The following AGBL1 variants were observed in gnomAD, a reference collection of about 807,000 sequenced individuals.
AGBL1 encodes the protein AGBL carboxypeptidase 1, also known as cytosolic carboxypeptidase 4.
AGBL1 carries 130 observed loss-of-function variants against 118.9 expected under a neutral mutation model. That is an observed-to-expected ratio of 1.09 (90% CI 0.95 to 1.26). The LOEUF is 1.26. Ranked by LOEUF, AGBL1 falls within the 50% of genes most tolerant of loss-of-function variation. The probability of loss-of-function intolerance (pLI) is 0.00; values close to 1 mark genes in which losing one functional copy is unlikely to be tolerated. For synonymous variants in AGBL1, 555 were observed against 478.9 expected, an observed-to-expected ratio of 1.16 and a Z score of -2.08; for missense variants, 1,584 against 1,298.1, an observed-to-expected ratio of 1.22 and a Z score of -3.38.
chr15:86,859,662 C>A (rs757858949), intron 22 of AGBL1, among the ~76,000 whole-genome samples: 50 of 152,148 alleles, frequency 3.3e-4, no homozygotes, highest in Non-Finnish European at 6.2e-4. Context: ...AGAGGCTTGA[C>A]CAGCTGCAGC....
Position 86,737,579 on chromosome 15 carries a change from G to A in AGBL1, c.3158+63143G>A, listed in dbSNP as rs930187474. ...GTTCTTCCTGCTATAACCACATTGT[G>A]TAGTATGAGCTGAGCCTTGATTTCC... is the stretch of plus-strand genomic sequence containing the variant. On this transcript the variant is annotated intron_variant, in intron 22 of 22. Coordinates refer to ENST00000614907, the MANE Select transcript of AGBL1 (RefSeq NM_001386094.1). Among the ~76,000 whole-genome samples, 5 of 152,152 alleles carry A rather than the reference G, an allele frequency of 3.3e-5. No individual in the cohort carries two copies. The South Asian group carries it at 8.3e-4, about 25-fold the overall frequency.
intron 22 of AGBL1, among the ~76,000 whole-genome samples, chr15:86,746,107 T>C (rs1266422757): frequency 1.3e-5 from 2 of 152,054 alleles, no homozygotes; most frequent in African/African-American, 4.8e-5. Context: ...GCCTCTTTTC[T>C]CCCTTCCCTG....
At chr15:86,559,197 C>T (rs1383535996) in intron 21 of AGBL1, among the ~76,000 whole-genome samples, 2 of 152,128 alleles carry the variant, frequency 1.3e-5, no homozygotes, top group Admixed American at 6.5e-5. Flanking sequence ...TCCAGGATGA[C>T]CTCATCTTAA....
At chr15:86,296,384 C>A (rs1275300588) in intron 17 of AGBL1, 1 of 152,174 alleles carries the variant, frequency 6.6e-6, no homozygotes, top group East Asian at 1.9e-4. Flanking sequence ...GGTGAAGATA[C>A]AGCCTTCTCT....
intron 6 of AGBL1, among the ~76,000 whole-genome samples, chr15:86,238,220 C>T (rs1036835207): frequency 1.3e-5 from 2 of 152,190 alleles, no homozygotes; most frequent in African/African-American, 4.8e-5. Context: ...TCTGCCTCCC[C>T]CTGCCACTCC....
intron 5 of AGBL1, among the ~76,000 whole-genome samples, chr15:86,212,421 G>A (rs375837417): frequency 2.6e-4 from 39 of 152,342 alleles, no homozygotes; most frequent in Non-Finnish European, 4.1e-4. Flanking sequence ...TATAAGGTGA[G>A]TAGATAGGGG....
intron 22 of AGBL1, among the ~76,000 whole-genome samples, chr15:86,675,175 C>T (rs952338090): frequency 9.2e-5 from 14 of 152,126 alleles, no homozygotes; most frequent in African/African-American, 1.7e-4. Context: ...ATTGCCCACA[C>T]TTTGAGTGTC....
chr15:86,363,092 G>A (rs917274386), intron 17 of AGBL1, among the ~76,000 whole-genome samples: 7 of 152,128 alleles, frequency 4.6e-5, no homozygotes, highest in African/African-American at 1.4e-4. Flanking sequence ...GCCAGGCTTG[G>A]TAAGACTGCC....
chr15:86,455,771 T>A (rs186703294), intron 18 of AGBL1, among the ~76,000 whole-genome samples: 112 of 152,282 alleles, frequency 7.4e-4, no homozygotes, highest in African/African-American at 2.6e-3. Context: ...CTTATCTTTG[T>A]CTTCAACATC....
At chr15:86,534,383 A>G (rs2083393895) in intron 19 of AGBL1, among the ~76,000 whole-genome samples, 1 of 152,206 alleles carries the variant, frequency 6.6e-6, no homozygotes. Flanking sequence ...AGTAAGGCTG[A>G]GAAATATTCT....
At chr15:86,831,401 C>A (rs1056552748) in intron 22 of AGBL1, among the ~76,000 whole-genome samples, 3 of 152,216 alleles carry the variant, frequency 2.0e-5, no homozygotes, top group African/African-American at 7.2e-5. Context: ...CAAGTCCCTT[C>A]TGCCTATGAA....
At chr15:86,584,106 T>C (rs1404673066) in intron 21 of AGBL1, among the ~76,000 whole-genome samples, 1 of 152,196 alleles carries the variant, frequency 6.6e-6, no homozygotes, top group Non-Finnish European at 1.5e-5. Context: ...ATGCATAGTT[T>C]GCAAATACTT....
intron 21 of AGBL1, among the ~76,000 whole-genome samples, chr15:86,634,544 G>T (rs557026095): frequency 1.3e-3 from 203 of 152,254 alleles, no homozygotes; most frequent in African/African-American, 4.6e-3. Flanking sequence ...TGGTTGCCTG[G>T]AGCTAGGGAA....
intron 22 of AGBL1, among the ~76,000 whole-genome samples, chr15:86,732,547 T>A (rs542824564): frequency 1.1e-4 from 17 of 152,222 alleles, no homozygotes; most frequent in Non-Finnish European, 2.5e-4. Flanking sequence ...CACGATTGAT[T>A]TGAAATGTGG....
At chr15:86,597,486 C>A (rs775959189) in intron 21 of AGBL1, among the ~76,000 whole-genome samples, 1 of 152,100 alleles carries the variant, frequency 6.6e-6, no homozygotes. Flanking sequence ...CCCTTCATCA[C>A]CCCTAACCCC....
intron 21 of AGBL1, among the ~76,000 whole-genome samples, chr15:86,574,152 G>A (rs62012473): frequency 0.11 from 17,190 of 152,238 alleles, 1,132 homozygotes; most frequent in Non-Finnish European, 0.13. Flanking sequence ...CAGCTATGTG[G>A]GCTATTGCTG....
chr15:86,370,301 C>CTTTTTTTTTTTTT (rs5814238), intron 17 of AGBL1, among the ~76,000 whole-genome samples: 3 of 131,034 alleles, frequency 2.3e-5, no homozygotes. Context: ...GTCTCTATTC[C>CTTTTTTTTTTTTT]TTTTTTTTTT....
intron 5 of AGBL1, among the ~76,000 whole-genome samples, chr15:86,199,058 G>A (rs1303038936): frequency 6.6e-6 from 1 of 152,144 alleles, no homozygotes; most frequent in Admixed American, 6.5e-5. Flanking sequence ...GCACGCATAT[G>A]TTTGTGTATG....
At chr15:86,190,633 T>C (rs181039248) in intron 5 of AGBL1, among the ~76,000 whole-genome samples, 107 of 152,318 alleles carry the variant, frequency 7.0e-4, no homozygotes, top group African/African-American at 2.2e-3. Flanking sequence ...TAAAAGCAGA[T>C]ATAACTGACT....
Sources: allele counts gnomAD v4.1 joint callset (sites outside exome capture counted in the v4.1 genomes callset), GRCh38; gene constraint gnomAD v4.1.1; transcripts MANE v1.5; gene names NCBI Gene and HGNC (gene_info 2026-07-23, HGNC 2026-07-21).